Variants in CNTN5 observed in about 807,000 individuals in gnomAD.
CNTN5 encodes contactin 5.
Under a neutral mutation model 129.1 loss-of-function variants are expected in CNTN5, and 77 were observed. That is an observed-to-expected ratio of 0.60 (90% confidence interval 0.50 to 0.72). The LOEUF (loss-of-function observed/expected upper bound fraction) is 0.72, where lower values mean the gene tolerates loss of function less well. Ranked by LOEUF, CNTN5 falls within the 30% of genes least tolerant of loss-of-function variation. The probability of loss-of-function intolerance (pLI) is 0.00; values close to 1 mark genes in which losing one functional copy is unlikely to be tolerated. For synonymous variants in CNTN5, 509 were observed against 465.6 expected, an observed-to-expected ratio of 1.09 and a Z score of -1.20; for missense variants, 1,478 against 1,328.8, an observed-to-expected ratio of 1.11 and a Z score of -1.75.
intron 6 of CNTN5, among the ~76,000 whole-genome samples, chr11:99,857,112 C>T (rs1463332704): frequency 1.3e-5 from 2 of 149,768 alleles, no homozygotes; most frequent in African/African-American, 2.5e-5. Context: ...CTGTCTGTCT[C>T]TCCCTTTGTC....
chr11:99,400,836 A>G (rs11601120), intron 2 of CNTN5, among the ~76,000 whole-genome samples: 27,721 of 152,152 alleles, frequency 0.18, 2,566 homozygotes, highest in South Asian at 0.24. Context: ...TCAGTGACGT[A>G]GAGCACCTTT....
chr11:99,347,660 G>T (rs1346314636), intron 2 of CNTN5, among the ~76,000 whole-genome samples: 2 of 152,118 alleles, frequency 1.3e-5, no homozygotes. Flanking sequence ...TGTGTAACAA[G>T]GGTGCACAGT....
chr11:99,473,816 A>G lies in CNTN5; in HGVS notation c.-70-82329A>G, dbSNP rs113326055. Among the ~76,000 whole-genome samples, 1,496 of 152,082 alleles carry G rather than the reference A, an allele frequency of 9.8e-3. 25 individuals carry two copies. Among genetic ancestry groups the G allele is most frequent in the African/African-American group, 0.034 (1,397 of 41,522 alleles). Reference sequence around the variant, plus strand: ...AAAACTATTATATTTAAAATATAATATATATGAAACTGCTAAAGTAAACAT... The same window carrying G: ...AAAACTATTATATTTAAAATATAATGTATATGAAACTGCTAAAGTAAACAT... On this transcript the variant is annotated intron_variant, in intron 2 of 24. Coordinates refer to ENST00000524871, the MANE Select transcript of CNTN5 (RefSeq NM_014361.4).
Position 99,569,705 on chromosome 11 carries a change from T to C in CNTN5, c.55+13436T>C, listed in dbSNP as rs558352118. ...GTATGGAGGCATGATGGGATAACTA[T>C]TTTTTAAATGAATGAAAAGAAATAT... On this transcript the variant is annotated intron_variant, in intron 3 of 24. Transcript: ENST00000524871. Among the ~76,000 whole-genome samples the C allele has an allele frequency of 3.3e-5, 5 of 152,296 alleles. No individual in the cohort carries two copies. The East Asian group carries it at 5.8e-4, about 18-fold the overall frequency.
chr11:99,599,730 CATA>C (rs1436610150), intron 3 of CNTN5, among the ~76,000 whole-genome samples: 1 of 152,084 alleles, frequency 6.6e-6, no homozygotes. Flanking sequence ...GCATCAATGA[CATA>C]ATAAGAATTT....
chr11:99,591,005 T>C (rs1458331791), intron 3 of CNTN5, among the ~76,000 whole-genome samples: 1 of 152,210 alleles, frequency 6.6e-6, no homozygotes, highest in East Asian at 1.9e-4. Context: ...ATAATGTAAA[T>C]TGTGAACCAC....
At chr11:99,105,900 C>A (rs1319955445) in intron 1 of CNTN5, among the ~76,000 whole-genome samples, 6 of 152,106 alleles carry the variant, frequency 3.9e-5, no homozygotes, top group East Asian at 3.9e-4. Context: ...TGTCTATAGA[C>A]CTGTAGAGAA....
At chr11:99,697,672 C>A in intron 3 of CNTN5, among the ~76,000 whole-genome samples, 1 of 151,410 alleles carries the variant, frequency 6.6e-6, no homozygotes, top group East Asian at 1.9e-4. Context: ...AAAGTATGAA[C>A]TTTAATGAAT....
At chr11:99,789,185 A>G (rs1945647620) in intron 3 of CNTN5, among the ~76,000 whole-genome samples, 1 of 151,962 alleles carries the variant, frequency 6.6e-6, no homozygotes. Flanking sequence ...ATATAAAAAC[A>G]ATACAAATTA....
chr11:100,150,561 G>GA (rs1947021079), intron 13 of CNTN5, among the ~76,000 whole-genome samples: 1 of 151,642 alleles, frequency 6.6e-6, no homozygotes, highest in African/African-American at 2.4e-5. Context: ...TATAATTTTA[G>GA]TTATTTTTTG....
chr11:100,129,825 ATTTGTGTGTGTG>A (rs1946315927), intron 13 of CNTN5, among the ~76,000 whole-genome samples: 1 of 149,748 alleles, frequency 6.7e-6, no homozygotes, highest in South Asian at 2.1e-4. Context: ...TCTCATATAT[ATTTGTGTGTGTG>A]TTTGTGTGTG....
chr11:99,766,663 G>A (rs896949795), intron 3 of CNTN5, among the ~76,000 whole-genome samples: 4 of 151,912 alleles, frequency 2.6e-5, no homozygotes, highest in Admixed American at 2.6e-4. Flanking sequence ...CCCCATCGCT[G>A]CTGTTAACTT....
At chr11:99,276,652 G>A (rs1863448900) in intron 1 of CNTN5, among the ~76,000 whole-genome samples, 1 of 151,410 alleles carries the variant, frequency 6.6e-6, no homozygotes, top group South Asian at 2.1e-4. Context: ...ATCTATTAGT[G>A]TACCAATAGA....
At chr11:100,161,220 G>C (rs569909298) in intron 13 of CNTN5, among the ~76,000 whole-genome samples, 4 of 151,920 alleles carry the variant, frequency 2.6e-5, no homozygotes, top group South Asian at 2.1e-4. Context: ...CTTCACAAGA[G>C]AGCTGTATAG....
rs1322052399 is a variant in CNTN5, at chr11:99,570,145, AAAG to A, written c.55+13882_55+13884del. On this transcript the variant is annotated intron_variant, in intron 3 of 24. Coordinates refer to ENST00000524871, the MANE Select transcript of CNTN5 (RefSeq NM_014361.4). ...TAAAGGTTACTTTAAAAAAAAAAAA[AAAG>A]AAGAAAAGAAAAAAGCTTGGGTCAT... Among the ~76,000 whole-genome samples the A allele has an allele frequency of 2.6e-5, 4 of 151,752 alleles. No individual in the cohort carries two copies. The East Asian group carries it at 5.8e-4, about 22-fold the overall frequency.
intron 8 of CNTN5, among the ~76,000 whole-genome samples, chr11:99,958,669 G>A (rs762888596): frequency 1.3e-5 from 2 of 152,092 alleles, no homozygotes; most frequent in Non-Finnish European, 2.9e-5. Context: ...ATAAAGAAAT[G>A]CAGTTTTACA....
intron 3 of CNTN5, among the ~76,000 whole-genome samples, chr11:99,574,860 G>C (rs1255824943): frequency 6.6e-6 from 1 of 152,050 alleles, no homozygotes; most frequent in Non-Finnish European, 1.5e-5. Context: ...CCACTCCGTA[G>C]GTTGTCTGTT....
chr11:100,077,587 A>G (rs1453390316), intron 13 of CNTN5, among the ~76,000 whole-genome samples: 1 of 152,058 alleles, frequency 6.6e-6, no homozygotes, highest in Non-Finnish European at 1.5e-5. Context: ...TTGGGGGGCC[A>G]AGATGCGAGG....
At chr11:100,219,019 TC>T (rs1010647369) in intron 15 of CNTN5, among the ~76,000 whole-genome samples, 31 of 152,318 alleles carry the variant, frequency 2.0e-4, no homozygotes, top group African/African-American at 6.5e-4. Context: ...AATTTAGGAA[TC>T]AGTGCTCATA....
Sources: allele counts gnomAD v4.1 joint callset (sites outside exome capture counted in the v4.1 genomes callset), GRCh38; gene constraint gnomAD v4.1.1; transcripts MANE v1.5; gene names NCBI Gene and HGNC (gene_info 2026-07-23, HGNC 2026-07-21).